LTA4H: variants seen among roughly 807,000 people sequenced by gnomAD.
LTA4H encodes leukotriene A-4 hydrolase.
A neutral mutation model predicts 89.8 loss-of-function variants in LTA4H; 59 were observed. That is an observed-to-expected ratio of 0.66 (90% CI 0.53 to 0.82). The LOEUF is 0.82. Ranked by LOEUF, LTA4H falls within the 40% of genes least tolerant of loss-of-function variation. The pLI is 0.00. For synonymous variants in LTA4H, 227 were observed against 253.1 expected (o/e 0.90, Z 0.98); for missense variants, 617 against 727.0 (o/e 0.85, Z 1.74).
At chr12:96,004,722 C>G (rs1313206367) in intron 16 of LTA4H, among the ~76,000 whole-genome samples, 1 of 152,182 alleles carries the variant, frequency 6.6e-6, no homozygotes, top group African/African-American at 2.4e-5. Flanking sequence ...CTTTCATGAA[C>G]TACTAATCCT....
Position 96,022,750 on chromosome 12 carries a change from A to G in LTA4H, c.481-499T>C, listed in dbSNP as rs1566013073. The stretch of plus-strand genomic sequence containing the variant: ...TGTAAAACTTCAAAGGCTTGCTGCA[A>G]GGAATAAATAATATAAGTGAAGAGC... On this transcript the variant is annotated intron_variant, in intron 4 of 18. Coordinates refer to ENST00000228740, the MANE Select transcript of LTA4H (RefSeq NM_000895.3). The surrounding 1 kb of genome is among the most constrained non-coding windows in gnomAD (Gnocchi z 4.0). 6.6e-6 allele frequency among the ~76,000 whole-genome samples: 1 copy of G among 152,200 alleles called. No individual in the cohort carries two copies. Among genetic ancestry groups the G allele is most frequent in the African/African-American group, 2.4e-5 (1 of 41,446 alleles).
intron 12 of LTA4H, 147 bp from the exon 13 acceptor site, chr12:96,014,000 A>T (rs746057552): frequency 1.9e-6 from 1 of 531,572 alleles, no homozygotes; most frequent in Non-Finnish European, 3.3e-6. Context: ...GAGTGAAAGA[A>T]TGTTCAAAAA....
intron 1 of LTA4H, among the ~76,000 whole-genome samples, chr12:96,034,804 A>AT (rs1334908539): frequency 6.6e-6 from 1 of 152,236 alleles, no homozygotes; most frequent in Non-Finnish European, 1.5e-5. Context: ...GTGGATTGAA[A>AT]TAAGTGTTCC....
chr12:96,017,584 CA>C lies in LTA4H; in HGVS notation c.853-5del, dbSNP rs759516668. ...TGGAGAGTGACTTGTCGCCTGCCTA[CA>C]AAAAAAGAAAATTACCTTAGTATTT... On this transcript the variant is annotated splice_region_variant and splice_polypyrimidine_tract_variant and intron_variant, in intron 8 of 18. Coordinates refer to ENST00000228740, the MANE Select transcript of LTA4H (RefSeq NM_000895.3). 6 of 1,607,020 alleles carry C rather than the reference CA, an allele frequency of 3.7e-6. No homozygotes were observed. The highest frequency in any genetic ancestry group is 1.7e-5 in the Admixed American group (1 of 59,470).
chr12:96,027,698 A>G, intron 2 of LTA4H, 134 bp from the exon 3 acceptor site: 1 of 478,420 alleles, frequency 2.1e-6, no homozygotes, highest in East Asian at 4.0e-5. Context: ...AGCTCTAGGT[A>G]TGCCACATCC....
At chr12:96,041,282 A>G (rs1950684424) in intron 1 of LTA4H, among the ~76,000 whole-genome samples, 1 of 152,046 alleles carries the variant, frequency 6.6e-6, no homozygotes, top group Non-Finnish European at 1.5e-5. Context: ...TTGTTTTGGC[A>G]TTTGATGTTT....
In LTA4H at chr12:96,008,249, T is replaced by C. The variant is rs187922058; in HGVS notation, c.1434+845A>G. On this transcript the variant is annotated intron_variant, in intron 15 of 18. Transcript: ENST00000228740. ...TGTTGCAAATTAATAGGAATAAAAG[T>C]ATTCCTAAATCTTCTGTTATTTTTC... 9.7e-4 allele frequency among the ~76,000 whole-genome samples: 147 copies of C among 152,324 alleles called. 1 individual carries two copies. In the East Asian group the frequency reaches 0.026, roughly 27 times the overall value.
chr12:96,007,296 T>G (rs1183416737), intron 15 of LTA4H, among the ~76,000 whole-genome samples: 1 of 152,194 alleles, frequency 6.6e-6, no homozygotes, highest in Admixed American at 6.5e-5. Flanking sequence ...AACTTACAGC[T>G]CCAGCTCATT....
intron 1 of LTA4H, chr12:96,043,194 A>G (rs1244968915): frequency 2.3e-6 from 2 of 872,150 alleles, no homozygotes; most frequent in Non-Finnish European, 3.6e-6. Flanking sequence ...CAAAGTGAGA[A>G]CATGTCGGGT....
At chr12:96,015,720 A>T (rs751834873) in intron 10 of LTA4H, 26 bp from the exon 11 acceptor site, 1 of 1,319,210 alleles carries the variant, frequency 7.6e-7, no homozygotes, top group African/African-American at 1.5e-5. Context: ...TTTAATAAAA[A>T]CACGGACACA....
intron 18 of LTA4H, among the ~76,000 whole-genome samples, chr12:96,002,176 A>T (rs1222139380): frequency 6.6e-6 from 1 of 152,200 alleles, no homozygotes; most frequent in Non-Finnish European, 1.5e-5. Flanking sequence ...TCTTATTTAA[A>T]AACCTATTTA....
upstream of LTA4H, among the ~76,000 whole-genome samples, chr12:96,040,062 G>A (rs528640519): frequency 2.0e-5 from 3 of 152,310 alleles, no homozygotes; most frequent in African/African-American, 4.8e-5. Context: ...CAAGAATAAC[G>A]TCATGATTAA....
upstream of LTA4H, among the ~76,000 whole-genome samples, chr12:96,038,554 AT>A (rs1950666483): frequency 6.6e-6 from 1 of 151,474 alleles, no homozygotes; most frequent in Non-Finnish European, 1.5e-5. Flanking sequence ...TAATTTTTAT[AT>A]TTTTTTAGAG....
At chr12:96,043,482 C>G (rs1019017008) in exon 1 of LTA4H, 2 of 704,420 alleles carry the variant, frequency 2.8e-6, no homozygotes, top group Non-Finnish European at 4.9e-6. Flanking sequence ...AAACATGCGC[C>G]TGTAGTCCCA....
At chr12:96,027,387 T>C in intron 3 of LTA4H, 57 bp downstream of exon 3, 1 of 1,510,970 alleles carries the variant, frequency 6.6e-7, no homozygotes, top group Non-Finnish European at 8.9e-7. Context: ...TTTTGCTTCA[T>C]TCAACCATAG....
chr12:96,028,969 A>G, intron 2 of LTA4H, 86 bp downstream of exon 2: 1 of 1,205,282 alleles, frequency 8.3e-7, no homozygotes, highest in Non-Finnish European at 1.1e-6. Flanking sequence ...ACAAACTAAA[A>G]TTTAAAAAGA....
chr12:96,029,252 T>G, intron 1 of LTA4H, 67 bp from the exon 2 acceptor site: 1 of 883,084 alleles, frequency 1.1e-6, no homozygotes. Flanking sequence ...ATATTAGATA[T>G]AGGCTACAAC....
chr12:96,015,486 T>C, intron 11 of LTA4H, 97 bp downstream of exon 11: 1 of 817,174 alleles, frequency 1.2e-6, no homozygotes, highest in Non-Finnish European at 2.0e-6. Flanking sequence ...AAAAATGACT[T>C]TTTGGTTGCT....
chr12:96,006,457 A>G (rs1187683615), intron 15 of LTA4H, 48 bp from the exon 16 acceptor site: 1 of 1,083,012 alleles, frequency 9.2e-7, no homozygotes, highest in South Asian at 1.4e-5. Flanking sequence ...CAATTTAATA[A>G]TACTTATTGG....
Sources: gnomAD v4.1 joint callset for allele counts (sites outside exome capture counted in the v4.1 genomes callset) on GRCh38, gnomAD v4.1.1 for gene constraint, Gnocchi (gnomAD v3.1) non-coding constraint, MANE v1.5 for transcripts, NCBI Gene and HGNC (gene_info 2026-07-23, HGNC 2026-07-21) for gene names.